The following ADCY2 variants were observed in gnomAD, a reference collection of about 807,000 sequenced individuals.
ADCY2 encodes adenylate cyclase type 2.
Under a neutral mutation model 125.2 loss-of-function variants are expected in ADCY2, and 31 were observed. That is an observed-to-expected ratio of 0.25 (90% confidence interval 0.19 to 0.33). The LOEUF (loss-of-function observed/expected upper bound fraction) is 0.33. Among genes scored for constraint, ADCY2 ranks in the 10% least tolerant of loss-of-function variants. The pLI, the probability that ADCY2 is intolerant of heterozygous loss-of-function variation, is 1.00. For missense variants in ADCY2, 904 were observed against 1,418.2 expected (o/e 0.64, Z 5.82); for synonymous variants, 512 against 548.4 (o/e 0.93, Z 0.93).
intron 2 of ADCY2, among the ~76,000 whole-genome samples, chr5:7,427,928 C>T (rs1056456320): frequency 1.3e-5 from 2 of 152,170 alleles, no homozygotes; most frequent in South Asian, 2.1e-4. Flanking sequence ...TGGCATGGCT[C>T]CTTGTGCTAA....
Position 7,549,004 on chromosome 5 carries a change from C to T in ADCY2, c.570+28105C>T, listed in dbSNP as rs565763380. On this transcript the variant is annotated intron_variant, in intron 3 of 24. Transcript: ENST00000338316. ...TAATTACAGGTGGTGTTTTTGGAGG[C>T]GAGGATAATGATACTGAAAAACAAG... Among the ~76,000 whole-genome samples, 12 of 152,150 alleles carry T rather than the reference C, an allele frequency of 7.9e-5. No homozygotes were observed. In the South Asian group the frequency reaches 1.5e-3, roughly 18 times the overall value.
At chr5:7,595,170 C>T (rs1213042036) in intron 3 of ADCY2, among the ~76,000 whole-genome samples, 1 of 152,046 alleles carries the variant, frequency 6.6e-6, no homozygotes, top group Admixed American at 6.6e-5. Flanking sequence ...CTGATCACAC[C>T]CCAGTGCAAG....
chr5:7,816,019 G>T (rs1310063516), intron 22 of ADCY2, among the ~76,000 whole-genome samples: 1 of 152,046 alleles, frequency 6.6e-6, no homozygotes, highest in East Asian at 1.9e-4. Flanking sequence ...TGGGTGACTG[G>T]GTCCTAACTG....
At chr5:7,601,716 C>T (rs1737210233) in intron 3 of ADCY2, among the ~76,000 whole-genome samples, 1 of 152,194 alleles carries the variant, frequency 6.6e-6, no homozygotes. Flanking sequence ...TCTCTTCACT[C>T]TGTTCCAAGC....
chr5:7,700,832 G>T (rs1182039064), intron 7 of ADCY2, among the ~76,000 whole-genome samples: 1 of 151,608 alleles, frequency 6.6e-6, no homozygotes, highest in African/African-American at 2.4e-5. Context: ...GCATGCTTTT[G>T]TCAGACAGAT....
chr5:7,744,726 A>T (rs1157824318), intron 15 of ADCY2, among the ~76,000 whole-genome samples: 2 of 152,282 alleles, frequency 1.3e-5, no homozygotes, highest in African/African-American at 4.8e-5. Flanking sequence ...CCTTGCCCCC[A>T]TGGGCATTCT....
intron 3 of ADCY2, among the ~76,000 whole-genome samples, chr5:7,622,686 C>T (rs190488061): frequency 6.6e-6 from 1 of 152,312 alleles, no homozygotes; most frequent in Non-Finnish European, 1.5e-5. Context: ...GCAAGAAGTG[C>T]AAAGCCTCAT....
At chr5:7,425,252 T>C (rs1222948331) in intron 2 of ADCY2, among the ~76,000 whole-genome samples, 3 of 152,234 alleles carry the variant, frequency 2.0e-5, no homozygotes, top group Admixed American at 2.0e-4. Context: ...AAAAATGTTC[T>C]CTGAGTTTCC....
intron 2 of ADCY2, among the ~76,000 whole-genome samples, chr5:7,430,134 G>A (rs1740535163): frequency 6.6e-6 from 1 of 152,070 alleles, no homozygotes; most frequent in Non-Finnish European, 1.5e-5. Context: ...TTATTGAAAA[G>A]CGAACCAGTA....
At chr5:7,640,963 G>A (rs1014668327) in intron 4 of ADCY2, among the ~76,000 whole-genome samples, 1 of 152,140 alleles carries the variant, frequency 6.6e-6, no homozygotes, top group African/African-American at 2.4e-5. Context: ...AGAAAGTTTT[G>A]TGCTTGCTCA....
chr5:7,415,027 G>A (rs1173658543), intron 2 of ADCY2, among the ~76,000 whole-genome samples: 2 of 152,098 alleles, frequency 1.3e-5, no homozygotes, highest in Non-Finnish European at 2.9e-5. Flanking sequence ...TTGTATAGAT[G>A]TGTATGTGTA....
intron 3 of ADCY2, 147 bp downstream of exon 3, chr5:7,521,046 T>C: frequency 2.2e-6 from 2 of 889,226 alleles, no homozygotes; most frequent in South Asian, 3.6e-5. Flanking sequence ...CCTATAACAC[T>C]GAGGAGCCAG....
chr5:7,819,028 A>G (rs535898886), intron 23 of ADCY2, among the ~76,000 whole-genome samples: 153 of 152,296 alleles, frequency 1.0e-3, no homozygotes, highest in African/African-American at 3.5e-3. Flanking sequence ...TCCCAAAGCT[A>G]AAGAACTTGG....
At chr5:7,535,658 C>T (rs577854123) in intron 3 of ADCY2, among the ~76,000 whole-genome samples, 12 of 152,304 alleles carry the variant, frequency 7.9e-5, no homozygotes, top group Non-Finnish European at 1.8e-4. Context: ...CATGGATTTA[C>T]ATCTCTTTCT....
At chr5:7,590,193 G>T (rs748741669) in intron 3 of ADCY2, among the ~76,000 whole-genome samples, 1 of 152,196 alleles carries the variant, frequency 6.6e-6, no homozygotes, top group African/African-American at 2.4e-5. Flanking sequence ...ATGAAAAGGA[G>T]TAATAAGGTA....
At chr5:7,456,055 A>AGT (rs1204320813) in intron 2 of ADCY2, among the ~76,000 whole-genome samples, 3 of 151,530 alleles carry the variant, frequency 2.0e-5, no homozygotes, top group Non-Finnish European at 2.9e-5. Context: ...ACTATTTTAT[A>AGT]GTGTCTGTAG....
intron 17 of ADCY2, among the ~76,000 whole-genome samples, chr5:7,772,658 T>A (rs1055840534): frequency 2.6e-5 from 4 of 152,214 alleles, no homozygotes; most frequent in African/African-American, 9.6e-5. Context: ...ATATAAGTTT[T>A]TTTTACAATT....
chr5:7,650,217 GACACACAC>G (rs3073883), intron 4 of ADCY2, among the ~76,000 whole-genome samples: 47 of 147,874 alleles, frequency 3.2e-4, no homozygotes, highest in South Asian at 2.4e-3. Flanking sequence ...TGCAGGCACA[GACACACAC>G]ACACACACAC....
At chr5:7,708,195 A>G (rs542886416) in intron 9 of ADCY2, 1 of 171,594 alleles carries the variant, frequency 5.8e-6, no homozygotes, top group East Asian at 1.6e-4. Flanking sequence ...AGAGAAAATG[A>G]TTGACTTAGG....
Sources: gnomAD v4.1 joint callset for allele counts (sites outside exome capture counted in the v4.1 genomes callset) on GRCh38, gnomAD v4.1.1 for gene constraint, MANE v1.5 for transcripts, NCBI Gene and HGNC (gene_info 2026-07-23, HGNC 2026-07-21) for gene names.